TICRR: variants seen among roughly 807,000 people sequenced by gnomAD.
TICRR encodes TOPBP1 interacting checkpoint and replication regulator, also known as treslin.
TICRR carries 132 observed loss-of-function variants against 178.1 expected under a neutral mutation model. The observed-to-expected ratio is 0.74, with a 90% CI of 0.64 to 0.86. The LOEUF is 0.86. Among genes scored for constraint, TICRR ranks in the 40% least tolerant of loss-of-function variants. TICRR has a pLI of 0.00. For missense variants in TICRR, 2,587 were observed against 2,334.3 expected, an observed-to-expected ratio of 1.11 and a Z score of -2.23; for synonymous variants, 991 against 900.7, an observed-to-expected ratio of 1.10 and a Z score of -1.79.
chr15:89,603,844 A>T (rs1334986542), intron 13 of TICRR, among the ~76,000 whole-genome samples: 4 of 152,176 alleles, frequency 2.6e-5, no homozygotes, highest in Non-Finnish European at 5.9e-5. Flanking sequence ...CAATTATAGC[A>T]ATATAATATA....
In TICRR at chr15:89,627,881, C is replaced by G. The variant is rs949317642; in HGVS notation, c.*795C>G. 1 of 152,940 alleles carries G rather than the reference C, an allele frequency of 6.5e-6. No individual in the cohort carries two copies. The highest frequency in any genetic ancestry group is 1.5e-5 in the Non-Finnish European group (1 of 68,670). 9.5% of individuals were successfully genotyped at this position (152,940 alleles called of 1,614,324 possible). A position where few individuals can be genotyped will look rare whatever the true frequency, so the allele number is the denominator to read the frequency against. On this transcript the variant is annotated 3_prime_UTR_variant, in exon 22 of 22. Transcript: ENST00000268138. Reference sequence around the variant, plus strand: ...GGTGAGGGCTGACTCTGAACTGTCTCTCAGTCTCCAGAAAGTGTTCAAGCC... The same window carrying G: ...GGTGAGGGCTGACTCTGAACTGTCTGTCAGTCTCCAGAAAGTGTTCAAGCC...
intron 13 of TICRR, among the ~76,000 whole-genome samples, chr15:89,603,192 G>A (rs1309818579): frequency 6.6e-6 from 1 of 152,120 alleles, no homozygotes; most frequent in Non-Finnish European, 1.5e-5. Context: ...ACTAAAATAA[G>A]CAAAGCAGTC....
chr15:89,616,292 C>A, intron 15 of TICRR, 113 bp from the exon 16 acceptor site: 1 of 775,678 alleles, frequency 1.3e-6, no homozygotes, highest in Non-Finnish European at 2.2e-6. Flanking sequence ...CATTAAGATC[C>A]TCTCCAGCTA....
intron 16 of TICRR, among the ~76,000 whole-genome samples, chr15:89,617,689 CTTTTTTT>C (rs35732953): frequency 1.0e-5 from 1 of 98,772 alleles, no homozygotes; most frequent in Admixed American, 1.1e-4. Context: ...ACCCAGCTAT[CTTTTTTT>C]TTTTTTTTTT....
rs1195926996 is a variant in TICRR at position 89,627,290 on chromosome 15, G to C, written c.*204G>C. ...TTGTTGGGGAAGTTGCAGGAGGAGA[G>C]GTGGATGGCAATGTGATTGGTGCTA... On this transcript the variant is annotated 3_prime_UTR_variant, in exon 22 of 22. Transcript: ENST00000268138. 3.2e-6 allele frequency: 2 copies of C among 617,084 alleles called. No individual in the cohort carries two copies. The highest frequency in any genetic ancestry group is 5.7e-5 in the East Asian group (2 of 35,166). 38.2% of individuals were successfully genotyped at this position (617,084 alleles called of 1,614,324 possible). A position where few individuals can be genotyped will look rare whatever the true frequency, so the allele number is the denominator to read the frequency against.
chr15:89,621,756 C>T (rs1480624842), intron 19 of TICRR, among the ~76,000 whole-genome samples: 1 of 151,974 alleles, frequency 6.6e-6, no homozygotes, highest in Non-Finnish European at 1.5e-5. Flanking sequence ...ACGGTGGGGG[C>T]GGTGGAGGAG....
chr15:89,587,795 A>G (rs1055110468), intron 4 of TICRR, among the ~76,000 whole-genome samples: 2 of 152,218 alleles, frequency 1.3e-5, no homozygotes, highest in African/African-American at 4.8e-5. Context: ...AGAGGAAAAC[A>G]GCAAGTGTGG....
chr15:89,583,058 C>T (rs527268100), intron 2 of TICRR, 93 bp downstream of exon 2: 127 of 1,305,204 alleles, frequency 9.7e-5, no homozygotes, highest in Non-Finnish European at 1.2e-4. Context: ...GCATTTCTCA[C>T]AGCCCAGGCA....
chr15:89,626,165 G>C, intron 21 of TICRR, 104 bp downstream of exon 21: 1 of 1,407,984 alleles, frequency 7.1e-7, no homozygotes, highest in Non-Finnish European at 9.7e-7. Flanking sequence ...GGAGTGCCAA[G>C]TGTGGGATAG....
intron 1 of TICRR, among the ~76,000 whole-genome samples, chr15:89,576,618 A>G (rs187365028): frequency 2.6e-5 from 4 of 151,936 alleles, no homozygotes; most frequent in African/African-American, 7.2e-5. Context: ...TCTTAACTTC[A>G]CTTACCCTTT....
rs71151513 is a variant in TICRR, at chr15:89,577,599, C to CTTTT, written c.654+1383_654+1386dup. Among the ~76,000 whole-genome samples the CTTTT allele has an allele frequency of 4.9e-3, 300 of 60,876 alleles. 53 individuals are homozygous for CTTTT. The highest frequency in any genetic ancestry group is 0.012 in the African/African-American group (158 of 12,958). 39.9% of individuals were successfully genotyped at this position (60,876 alleles called of 152,430 possible). A position where few individuals can be genotyped will look rare whatever the true frequency, so the allele number is the denominator to read the frequency against. On this transcript the variant is annotated intron_variant, in intron 1 of 21. Transcript: ENST00000268138. ...ATACAGAGTGGTAGTGAGGGAAGGCCTTTTTTTTTTTTTTTTTTTTTTTTT... is the reference window on the plus strand; with the variant it reads ...ATACAGAGTGGTAGTGAGGGAAGGCCTTTTTTTTTTTTTTTTTTTTTTTTTTTTT...
chr15:89,626,194 CGTCATGTGTGCCCTTCCCA>C (rs1963522741), intron 21 of TICRR, 133 bp downstream of exon 21: 2 of 930,078 alleles, frequency 2.2e-6, no homozygotes, highest in Non-Finnish European at 1.6e-6. Context: ...GCGCCTACAG[CGTCATGTGTGCCCTTCCCA>C]GAGAAACTCC....
intron 1 of TICRR, among the ~76,000 whole-genome samples, chr15:89,576,942 C>T (rs987532174): frequency 6.6e-6 from 1 of 150,838 alleles, no homozygotes; most frequent in Non-Finnish European, 1.5e-5. Flanking sequence ...CAGTGTATGT[C>T]GCCCAGGCTG....
chr15:89,601,917 A>G lies in TICRR; in HGVS notation c.2508A>G (p.Ser836=), dbSNP rs751618241. The G allele has an allele frequency of 1.2e-6, 2 of 1,614,194 alleles. No homozygotes were observed. Among genetic ancestry groups the G allele is most frequent in the South Asian group, 2.2e-5 (2 of 91,086 alleles). Residue 836 remains serine, a synonymous_variant, in exon 12 of 22, where the codon TCA becomes TCG. Transcript: ENST00000268138. ...TGTCAAGTGCTCGTAGATCAGTGTCAGGCAGCCCTGAATCTGATGAACTGC... is the reference window on the plus strand; with the variant it reads ...TGTCAAGTGCTCGTAGATCAGTGTCGGGCAGCCCTGAATCTGATGAACTGC... ...PFLSSARRSV[S]GSPESDELQE...
In TICRR at chr15:89,627,008, C is replaced by T. The variant is rs139568659; in HGVS notation, c.5655C>T (p.Arg1885=). Residue 1885 remains arginine (R), a synonymous_variant, in exon 22 of 22, where the codon CGC becomes CGT. Coordinates refer to ENST00000268138, the MANE Select transcript of TICRR (RefSeq NM_152259.4). ...CTGTAGAAGACTCTCCTTTCAGTCG[C>T]GCTTTCTCCAGGAGGCGCCCCATCA... ...PSTVEDSPFS[R]AFSRRRPISR... 4.5e-5 allele frequency: 73 copies of T among 1,614,076 alleles called. No homozygotes were observed. The highest frequency in any genetic ancestry group is 5.6e-5 in the Non-Finnish European group (66 of 1,179,994).
intron 3 of TICRR, 44 bp downstream of exon 3, chr15:89,584,571 A>G: frequency 6.7e-7 from 1 of 1,498,176 alleles, no homozygotes; most frequent in South Asian, 1.4e-5. Flanking sequence ...CTAACAACAC[A>G]CTGGTAAAGT....
At chr15:89,620,614 AGTT>A (rs1241895995) in intron 18 of TICRR, among the ~76,000 whole-genome samples, 2 of 151,620 alleles carry the variant, frequency 1.3e-5, no homozygotes, top group Non-Finnish European at 2.9e-5. Context: ...AAAAGGCAGC[AGTT>A]GTTGTAGTTG....
At position 89,625,596 on chromosome 15, in the gene TICRR, C is replaced by G. The variant is rs373209536; in HGVS notation, c.5286C>G (p.Ala1762=). 1.9e-6 allele frequency: 3 copies of G among 1,613,144 alleles called. No individual in the cohort carries two copies. The highest frequency in any genetic ancestry group is 1.7e-6 in the Non-Finnish European group (2 of 1,180,024). Residue 1762 remains alanine, a synonymous_variant, in exon 20 of 22, where the codon GCC becomes GCG. Coordinates refer to ENST00000268138, the MANE Select transcript of TICRR (RefSeq NM_152259.4). ...PRNSMPKAEE[A]SSWGQFGLSS... Reference sequence around the variant, plus strand: ...ACAGCATGCCTAAGGCCGAGGAAGCCTCTTCCTGGGGACAGTTTGGGTTGA... The same window carrying G: ...ACAGCATGCCTAAGGCCGAGGAAGCGTCTTCCTGGGGACAGTTTGGGTTGA...
At chr15:89,620,513 T>A (rs1963406387) in intron 18 of TICRR, among the ~76,000 whole-genome samples, 1 of 152,004 alleles carries the variant, frequency 6.6e-6, no homozygotes, top group Admixed American at 6.5e-5. Flanking sequence ...CAGCCAGATA[T>A]GTGTTTTTAT....
Sources: gnomAD v4.1 joint callset for allele counts (sites outside exome capture counted in the v4.1 genomes callset) on GRCh38, gnomAD v4.1.1 for gene constraint, MANE v1.5 for transcripts, NCBI Gene and HGNC (gene_info 2026-07-23, HGNC 2026-07-21) for gene names.